The following UMAD1 variants were observed in gnomAD, a reference collection of about 807,000 sequenced individuals.
UMAD1 encodes UBAP1-MVB12-associated (UMA) domain containing 1.
A neutral mutation model predicts 6.1 loss-of-function variants in UMAD1; 8 were observed. The ratio of observed to expected loss-of-function variants is 1.30; its 90% CI spans 0.76 to 2.35. The LOEUF (loss-of-function observed/expected upper bound fraction) is 2.35. Ranked by LOEUF, UMAD1 falls within the 30% of genes most tolerant of loss-of-function variation. The pLI is 0.00. For missense variants in UMAD1, 130 were observed against 78.4 expected (o/e 1.66, Z -2.49); for synonymous variants, 56 against 31.4 (o/e 1.78, Z -2.61).
chr7:7,798,197 A>G (rs1391141224), intron 2 of UMAD1, among the ~76,000 whole-genome samples: 6 of 152,218 alleles, frequency 3.9e-5, no homozygotes, highest in African/African-American at 1.2e-4. Context: ...AAAGACTAAA[A>G]TGTTTACTAT....
At chr7:7,814,313 T>C (rs4725032) in intron 3 of UMAD1, among the ~76,000 whole-genome samples, 140,560 of 152,320 alleles carry the variant, frequency 0.92, 64,973 homozygotes, top group African/African-American at 0.97. Flanking sequence ...TTTGTTTTTC[T>C]TGAGGTGGTA....
chr7:7,668,104 C>T lies in UMAD1; in HGVS notation c.-63-5205C>T, dbSNP rs994832613. On this transcript the variant is annotated intron_variant, in intron 1 of 3. Coordinates refer to ENST00000682710, the MANE Select transcript of UMAD1 (RefSeq NM_001302348.2). The stretch of plus-strand genomic sequence containing the variant: ...GCTAATTTTTTTTTTTGTAGAGACA[C>T]GATTTCGTCATGTTGCCCAGGCTGG... 4.0e-5 allele frequency among the ~76,000 whole-genome samples: 6 copies of T among 151,760 alleles called. No individual in the cohort carries two copies. The South Asian group carries it at 1.0e-3, about 26-fold the overall frequency.
rs527581546 is a variant in UMAD1, at chr7:7,743,968, A to G, written c.83-57702A>G. 5.3e-5 allele frequency among the ~76,000 whole-genome samples: 8 copies of G among 152,190 alleles called. No homozygotes were observed. The South Asian group carries it at 1.2e-3, about 24-fold the overall frequency. Reference sequence around the variant, plus strand: ...ACATTAACGTAAAGTGTACGATTCAATGGCTTTTAACATATCCACACAATT... The same window carrying G: ...ACATTAACGTAAAGTGTACGATTCAGTGGCTTTTAACATATCCACACAATT... On this transcript the variant is annotated intron_variant, in intron 2 of 3. Transcript: ENST00000682710.
At chr7:7,658,236 T>C (rs1563092081) in intron 1 of UMAD1, among the ~76,000 whole-genome samples, 2 of 152,260 alleles carry the variant, frequency 1.3e-5, no homozygotes, top group Non-Finnish European at 1.5e-5. Flanking sequence ...TTTCTAAATA[T>C]ACAATCATGT....
chr7:7,665,970 TA>T (rs958786914), intron 1 of UMAD1, among the ~76,000 whole-genome samples: 22 of 151,400 alleles, frequency 1.5e-4, no homozygotes, highest in African/African-American at 4.4e-4. Flanking sequence ...TTTTGGTTAT[TA>T]AAAAAAAAGT....
rs1262642122 is a variant in UMAD1 at position 7,827,139 on chromosome 7, A to ATG, written c.156+25397_156+25398insGT. 9.1e-3 allele frequency among the ~76,000 whole-genome samples: 1,224 copies of ATG among 133,968 alleles called. 14 individuals carry two copies. The highest frequency in any genetic ancestry group is 0.031 in the African/African-American group (1,054 of 34,476). The allele number at this position is 133,968 out of a possible 152,430, so 87.9% of individuals were successfully genotyped here. Reference sequence around the variant, plus strand: ...CAGTCCAGGATATATATATATATATATATATATATGTGTGTGTGTGTGTGT... The same window carrying ATG: ...CAGTCCAGGATATATATATATATATATGTATATATATGTGTGTGTGTGTGTGT... On this transcript the variant is annotated intron_variant, in intron 3 of 3. Coordinates refer to ENST00000682710, the MANE Select transcript of UMAD1 (RefSeq NM_001302348.2).
At chr7:7,759,635 A>T (rs1242681491) in intron 2 of UMAD1, among the ~76,000 whole-genome samples, 3 of 152,248 alleles carry the variant, frequency 2.0e-5, no homozygotes, top group African/African-American at 7.2e-5. Context: ...AAACGAGATT[A>T]AAACTGACTG....
At chr7:7,870,367 A>G in intron 3 of UMAD1, among the ~76,000 whole-genome samples, 1 of 152,216 alleles carries the variant, frequency 6.6e-6, no homozygotes, top group East Asian at 1.9e-4. Context: ...TGTGAACAGG[A>G]TTCATCACAA....
Position 7,700,217 on chromosome 7 carries a change from G to A in UMAD1, c.82+26764G>A, listed in dbSNP as rs137914574. Among the ~76,000 whole-genome samples the A allele has an allele frequency of 6.5e-4, 99 of 152,250 alleles. 1 individual carries two copies. In the East Asian group the frequency reaches 0.017, roughly 27 times the overall value. On this transcript the variant is annotated intron_variant, in intron 2 of 3. Transcript: ENST00000682710. ...AGGGCCTTCTTTCTGTTCATAGATG[G>A]CACTTTCTCCCTGCTCCCCACATGT... is the stretch of plus-strand genomic sequence containing the variant.
intron 2 of UMAD1, among the ~76,000 whole-genome samples, chr7:7,721,734 C>T (rs570233239): frequency 2.0e-5 from 3 of 152,264 alleles, no homozygotes; most frequent in African/African-American, 7.2e-5. Context: ...CCTGCCCTCT[C>T]AGGGATTTTA....
intron 2 of UMAD1, among the ~76,000 whole-genome samples, chr7:7,720,562 A>G (rs1279772317): frequency 1.3e-5 from 2 of 152,222 alleles, no homozygotes; most frequent in Non-Finnish European, 2.9e-5. Context: ...CTAATTGCCA[A>G]ACAAAAGAAA....
At chr7:7,753,385 C>T (rs779878079) in intron 2 of UMAD1, among the ~76,000 whole-genome samples, 22 of 152,116 alleles carry the variant, frequency 1.4e-4, no homozygotes, top group Non-Finnish European at 2.2e-4. Flanking sequence ...TTATTTTTGG[C>T]ACCCATTAAC....
At chr7:7,651,234 A>C (rs1785217092) in intron 1 of UMAD1, among the ~76,000 whole-genome samples, 1 of 152,228 alleles carries the variant, frequency 6.6e-6, no homozygotes, top group African/African-American at 2.4e-5. Flanking sequence ...AGGATCTACA[A>C]ATCCACAAAA....
At chr7:7,722,912 GC>G (rs1289257540) in intron 2 of UMAD1, among the ~76,000 whole-genome samples, 1 of 152,120 alleles carries the variant, frequency 6.6e-6, no homozygotes, top group Non-Finnish European at 1.5e-5. Flanking sequence ...AATCTTTTTT[GC>G]CAGAAGAAAC....
chr7:7,656,212 T>C (rs1785338336), intron 1 of UMAD1, among the ~76,000 whole-genome samples: 2 of 152,148 alleles, frequency 1.3e-5, no homozygotes, highest in South Asian at 4.1e-4. Flanking sequence ...AGCTGCGTGG[T>C]TCTGAGGGTG....
intron 3 of UMAD1, among the ~76,000 whole-genome samples, chr7:7,811,373 C>A (rs1783018635): frequency 6.6e-6 from 1 of 152,132 alleles, no homozygotes; most frequent in Admixed American, 6.5e-5. Context: ...ATGTGTTTAT[C>A]CTCTTATGCA....
chr7:7,806,553 A>T (rs575711954), intron 3 of UMAD1, among the ~76,000 whole-genome samples: 53 of 152,312 alleles, frequency 3.5e-4, no homozygotes, highest in African/African-American at 1.3e-3. Context: ...AAAAATAAAT[A>T]ATCCACTTAT....
intron 2 of UMAD1, among the ~76,000 whole-genome samples, chr7:7,716,725 C>G (rs950331897): frequency 3.3e-5 from 5 of 152,298 alleles, no homozygotes; most frequent in African/African-American, 1.2e-4. Context: ...GCAGGCGGAT[C>G]ACGAGGTCAG....
intron 3 of UMAD1, among the ~76,000 whole-genome samples, chr7:7,841,826 A>G (rs759903910): frequency 6.6e-6 from 1 of 152,216 alleles, no homozygotes; most frequent in Non-Finnish European, 1.5e-5. Context: ...TTAGCTTGCT[A>G]TAAAGAGACA....
Sources: gnomAD v4.1 joint callset for allele counts (sites outside exome capture counted in the v4.1 genomes callset) on GRCh38, gnomAD v4.1.1 for gene constraint, MANE v1.5 for transcripts, NCBI Gene and HGNC (gene_info 2026-07-23, HGNC 2026-07-21) for gene names.